Variants in TBC1D5 observed in about 807,000 individuals in gnomAD.
TBC1D5 encodes TBC1 domain family member 5, also known as TBC1 domain family, member 5.
Under a neutral mutation model 100.3 loss-of-function variants are expected in TBC1D5, and 75 were observed. The ratio of observed to expected loss-of-function variants is 0.75; its 90% CI spans 0.62 to 0.91. TBC1D5 has a LOEUF of 0.91. Among genes scored for constraint, TBC1D5 ranks in the 40% least tolerant of loss-of-function variants. The pLI, the probability that TBC1D5 is intolerant of heterozygous loss-of-function variation, is 0.00. For synonymous variants in TBC1D5, 323 were observed against 325.6 expected, an observed-to-expected ratio of 0.99 and a Z score of 0.09; for missense variants, 910 against 942.4, an observed-to-expected ratio of 0.97 and a Z score of 0.45.
At chr3:17,540,573 A>C (rs2096341382) in intron 2 of TBC1D5, among the ~76,000 whole-genome samples, 1 of 152,068 alleles carries the variant, frequency 6.6e-6, no homozygotes, top group Non-Finnish European at 1.5e-5. Flanking sequence ...TGTTGAAAAG[A>C]CTATCTTTTC....
chr3:17,385,801 A>C (rs2093129611), intron 8 of TBC1D5, among the ~76,000 whole-genome samples: 1 of 151,988 alleles, frequency 6.6e-6, no homozygotes, highest in South Asian at 2.1e-4. Flanking sequence ...CATAAAGCTT[A>C]ATGTGATGAT....
chr3:17,461,371 C>A lies in TBC1D5; in HGVS notation c.98-32852G>T, dbSNP rs370876223. 4.6e-5 allele frequency among the ~76,000 whole-genome samples: 7 copies of A among 152,248 alleles called. No individual in the cohort carries two copies. In the East Asian group the frequency reaches 9.6e-4, roughly 21 times the overall value. On this transcript the variant is annotated intron_variant, in intron 3 of 21. Coordinates refer to ENST00000253692, the Ensembl canonical transcript of TBC1D5. ...ACATACTGTGGGCTTCTCTCAAATC[C>A]AAGACTGAGAAGATTTCCATCATTC...
At chr3:17,214,499 A>G (rs754435114) in intron 17 of TBC1D5, 129 bp from the exon 19 acceptor site, 5 of 940,394 alleles carry the variant, frequency 5.3e-6, no homozygotes, top group Admixed American at 3.3e-5. Context: ...TAATGACACT[A>G]TGGAGTATTA....
At position 17,418,770 on chromosome 3, in the gene TBC1D5, G is replaced by A. The variant is rs1217404070; in HGVS notation, c.167+9680C>T. ...ACATTAGCTGTCTTCATAGGTAAGG[G>A]CATAATTTTGTCACTGATGACTAAG... On this transcript the variant is annotated intron_variant, in intron 4 of 21. Coordinates refer to ENST00000253692, the Ensembl canonical transcript of TBC1D5. 3.9e-5 allele frequency among the ~76,000 whole-genome samples: 6 copies of A among 152,102 alleles called. No individual in the cohort carries two copies. The South Asian group carries it at 1.0e-3, about 26-fold the overall frequency.
intron 1 of TBC1D5, among the ~76,000 whole-genome samples, chr3:17,665,670 A>G (rs2067180779): frequency 6.6e-6 from 1 of 152,164 alleles, no homozygotes. Context: ...TTTTTTCCTG[A>G]TCAGTGTGCT....
chr3:17,332,858 G>A (rs1212192713), intron 13 of TBC1D5, among the ~76,000 whole-genome samples: 4 of 152,162 alleles, frequency 2.6e-5, no homozygotes, highest in Non-Finnish European at 4.4e-5. Context: ...CAGGCCGAGA[G>A]TGGTGGATTT....
intron 13 of TBC1D5, among the ~76,000 whole-genome samples, chr3:17,350,489 A>G (rs1416431032): frequency 2.0e-5 from 3 of 152,188 alleles, no homozygotes; most frequent in Non-Finnish European, 4.4e-5. Context: ...CACCAGAGAC[A>G]TAAGCTCAGA....
rs2074831582 is a variant in TBC1D5 at position 17,712,437 on chromosome 3, T to C, written c.-101+26906A>G. Among the ~76,000 whole-genome samples the C allele has an allele frequency of 2.6e-5, 4 of 151,134 alleles. No homozygotes were observed. The South Asian group carries it at 8.3e-4, about 31-fold the overall frequency. On this transcript the variant is annotated intron_variant, in intron 1 of 21. Transcript: ENST00000253692. ...TTTTGTTTCCCACATGCCAGTCCCC[T>C]CTGTTTTTATAATGACCACAGGCTA...
At chr3:17,313,325 C>T (rs140156547) in intron 13 of TBC1D5, among the ~76,000 whole-genome samples, 4 of 152,238 alleles carry the variant, frequency 2.6e-5, no homozygotes, top group African/African-American at 7.2e-5. Context: ...AAAGAGTTAA[C>T]GTGCAGTTGT....
chr3:17,649,891 C>T (rs1465667312), intron 1 of TBC1D5, among the ~76,000 whole-genome samples: 1 of 152,164 alleles, frequency 6.6e-6, no homozygotes, highest in Admixed American at 6.5e-5. Context: ...TTGGAACCAA[C>T]CCAAATGTCC....
In TBC1D5 at chr3:17,485,948, C is replaced by A. The variant is rs201598930; in HGVS notation, c.97+22526G>T. ...TTCCACAAGGGTTGAACTAGTTTAC[C>A]GTCCCACCAACAGTGTAAAAGTGTT... On this transcript the variant is annotated intron_variant, in intron 3 of 21. Transcript: ENST00000253692. Among the ~76,000 whole-genome samples, 1,132 of 151,686 alleles carry A rather than the reference C, an allele frequency of 7.5e-3. 15 individuals carry two copies. The highest frequency in any genetic ancestry group is 0.025 in the African/African-American group (1,007 of 41,064).
At chr3:17,721,129 C>T (rs1560552115) in intron 1 of TBC1D5, among the ~76,000 whole-genome samples, 1 of 151,898 alleles carries the variant, frequency 6.6e-6, no homozygotes, top group Non-Finnish European at 1.5e-5. Flanking sequence ...GGATGAGAAA[C>T]CACACCCCGC....
intron 1 of TBC1D5, among the ~76,000 whole-genome samples, chr3:17,736,463 C>A (rs751876000): frequency 6.6e-6 from 1 of 152,094 alleles, no homozygotes; most frequent in Non-Finnish European, 1.5e-5. Flanking sequence ...CCTTTAGACT[C>A]TTGTTCCTCA....
At chr3:17,614,697 T>C (rs1212383113) in intron 2 of TBC1D5, among the ~76,000 whole-genome samples, 1 of 152,150 alleles carries the variant, frequency 6.6e-6, no homozygotes, top group African/African-American at 2.4e-5. Flanking sequence ...CTGTTACGGG[T>C]GTATAGGAAT....
chr3:17,288,675 G>A (rs1011856750), intron 15 of TBC1D5, among the ~76,000 whole-genome samples: 5 of 151,984 alleles, frequency 3.3e-5, no homozygotes, highest in South Asian at 2.1e-4. Context: ...CCCAACTTCG[G>A]GTAGAGGACC....
At chr3:17,626,593 A>G (rs1160994771) in intron 1 of TBC1D5, among the ~76,000 whole-genome samples, 1 of 152,210 alleles carries the variant, frequency 6.6e-6, no homozygotes, top group Non-Finnish European at 1.5e-5. Flanking sequence ...CAAAACAGGA[A>G]TTCAGAAGAT....
intron 15 of TBC1D5, among the ~76,000 whole-genome samples, chr3:17,278,645 G>A (rs2080268301): frequency 6.6e-6 from 1 of 152,078 alleles, no homozygotes; most frequent in Admixed American, 6.6e-5. Context: ...TCTGGAAAAA[G>A]CTACCTCATA....
intron 16 of TBC1D5, 84 bp from the exon 17 acceptor site, chr3:17,238,503 T>C (rs2076056534): frequency 7.0e-7 from 1 of 1,433,962 alleles, no homozygotes; most frequent in East Asian, 2.4e-5. Flanking sequence ...AAAGCACACC[T>C]TGTCTGCTTT....
intron 13 of TBC1D5, among the ~76,000 whole-genome samples, chr3:17,309,048 T>C (rs1362432717): frequency 6.6e-6 from 1 of 152,082 alleles, no homozygotes; most frequent in African/African-American, 2.4e-5. Context: ...TCTATGTGAT[T>C]CTAGCAAATA....
Sources: allele counts gnomAD v4.1 joint callset (sites outside exome capture counted in the v4.1 genomes callset), GRCh38; gene constraint gnomAD v4.1.1; transcripts MANE v1.5; gene names NCBI Gene and HGNC (gene_info 2026-07-23, HGNC 2026-07-21).